The following C12orf42 variants were observed in gnomAD, a reference collection of about 807,000 sequenced individuals.
C12orf42 encodes the protein uncharacterized protein C12orf42.
Under a neutral mutation model 21.6 loss-of-function variants are expected in C12orf42, and 25 were observed. That is an observed-to-expected ratio of 1.16 (90% CI 0.84 to 1.62). The LOEUF is 1.62. Ranked by LOEUF, C12orf42 falls within the 40% of genes most tolerant of loss-of-function variation. The pLI, the probability that C12orf42 is intolerant of heterozygous loss-of-function variation, is 0.00. For synonymous variants in C12orf42, 174 were observed against 175.0 expected (o/e 0.99, Z 0.05); for missense variants, 483 against 459.3 (o/e 1.05, Z -0.47).
At chr12:103,104,662 A>G in the C12orf42 span, among the ~76,000 whole-genome samples, 1 of 152,268 alleles carries the variant, frequency 6.6e-6, no homozygotes, top group South Asian at 2.1e-4. Context: ...GATGGTCTCA[A>G]TCTCCTGACC....
intron 5 of C12orf42, 102 bp downstream of exon 5, chr12:103,305,872 G>T: frequency 7.4e-7 from 1 of 1,358,232 alleles, no homozygotes. Flanking sequence ...TCTAGAATAG[G>T]ACTGGCCATG....
chr12:103,130,532 G>A, the C12orf42 span, among the ~76,000 whole-genome samples: 2 of 152,096 alleles, frequency 1.3e-5, no homozygotes, highest in Non-Finnish European at 1.5e-5. Flanking sequence ...TCCCAGGTTG[G>A]TTCCTCCAGG....
chr12:103,055,476 C>CA, the C12orf42 span, among the ~76,000 whole-genome samples: 1 of 151,738 alleles, frequency 6.6e-6, no homozygotes, highest in Non-Finnish European at 1.5e-5. Flanking sequence ...TGAGGTTTGT[C>CA]AATTTTATTA....
chr12:103,236,287 G>C (rs867070257), downstream of C12orf42, among the ~76,000 whole-genome samples: 23 of 152,220 alleles, frequency 1.5e-4, no homozygotes, highest in African/African-American at 5.5e-4. Flanking sequence ...TACTGGGCCA[G>C]ATTTTGCCAG....
chr12:103,486,041 G>A (rs1211530231), intron 1 of C12orf42, among the ~76,000 whole-genome samples: 1 of 152,168 alleles, frequency 6.6e-6, no homozygotes. Flanking sequence ...GAACATCCTT[G>A]TCTTGTGCCA....
At chr12:103,407,287 A>G (rs2048494518) in intron 2 of C12orf42, among the ~76,000 whole-genome samples, 3 of 152,138 alleles carry the variant, frequency 2.0e-5, no homozygotes, top group African/African-American at 7.2e-5. Context: ...TTCTTCCCTC[A>G]ACTAGTATTC....
At chr12:103,435,254 T>A (rs1434346777) in intron 2 of C12orf42, among the ~76,000 whole-genome samples, 1 of 151,980 alleles carries the variant, frequency 6.6e-6, no homozygotes, top group African/African-American at 2.4e-5. Context: ...CATCTGTACA[T>A]CACCATCATC....
intron 3 of C12orf42, among the ~76,000 whole-genome samples, chr12:103,371,191 C>T (rs971225402): frequency 2.0e-5 from 3 of 152,182 alleles, no homozygotes; most frequent in East Asian, 1.9e-4. Flanking sequence ...TCACTTCATA[C>T]GGCCTATCAC....
chr12:103,089,114 A>AAAAAAAAAG, the C12orf42 span, among the ~76,000 whole-genome samples: 1 of 150,832 alleles, frequency 6.6e-6, no homozygotes, highest in African/African-American at 2.4e-5. Context: ...AAAAAAAAAA[A>AAAAAAAAAG]AAAAAAAAAA....
At chr12:103,294,615 AGAAAGAAAGAAAGAAAGAAAGAAG>A (rs2037110786) in intron 4 of C12orf42, among the ~76,000 whole-genome samples, 1 of 144,612 alleles carries the variant, frequency 6.9e-6, no homozygotes, top group African/African-American at 2.7e-5. Context: ...AAAGAAAGAA[AGAAAGAAAGAAAGAAAGAAAGAAG>A]GAAAAGAAAG....
intron 4 of C12orf42, among the ~76,000 whole-genome samples, chr12:103,359,562 T>G (rs2043901358): frequency 6.6e-6 from 1 of 152,108 alleles, no homozygotes; most frequent in Non-Finnish European, 1.5e-5. Context: ...ACATGTTGTA[T>G]AGTTTCATTT....
At chr12:103,282,669 G>T (rs1314457886) in intron 4 of C12orf42, among the ~76,000 whole-genome samples, 1 of 152,126 alleles carries the variant, frequency 6.6e-6, no homozygotes, top group Non-Finnish European at 1.5e-5. Flanking sequence ...GCTATATGCT[G>T]TTATTATGGT....
At chr12:103,554,591 G>A in the C12orf42 span, among the ~76,000 whole-genome samples, 1 of 151,864 alleles carries the variant, frequency 6.6e-6, no homozygotes, top group African/African-American at 2.4e-5. Context: ...AAAAAAAAGA[G>A]GTTTAATCAG....
At chr12:103,359,398 A>G (rs912369655) in intron 4 of C12orf42, among the ~76,000 whole-genome samples, 9 of 152,156 alleles carry the variant, frequency 5.9e-5, no homozygotes, top group African/African-American at 2.2e-4. Flanking sequence ...AAAGTTTTAC[A>G]AAAACTGAAA....
At chr12:103,233,031 C>T (rs771684575), downstream of C12orf42, among the ~76,000 whole-genome samples, 1 of 152,202 alleles carries the variant, frequency 6.6e-6, no homozygotes. Flanking sequence ...TCCAATCCTG[C>T]TCTTCTAGCA....
At chr12:103,402,124 T>C (rs1451117884) in intron 2 of C12orf42, among the ~76,000 whole-genome samples, 1 of 152,182 alleles carries the variant, frequency 6.6e-6, no homozygotes, top group Non-Finnish European at 1.5e-5. Flanking sequence ...CCCATGAACA[T>C]AAATAAGAAA....
At chr12:103,078,545 T>C in the C12orf42 span, among the ~76,000 whole-genome samples, 1 of 152,214 alleles carries the variant, frequency 6.6e-6, no homozygotes, top group East Asian at 1.9e-4. Context: ...GGATTCTGAT[T>C]TAATTGTCAA....
At chr12:103,060,019 T>A in the C12orf42 span, among the ~76,000 whole-genome samples, 3 of 152,134 alleles carry the variant, frequency 2.0e-5, no homozygotes, top group Non-Finnish European at 4.4e-5. Context: ...CATTTTCAAA[T>A]AGGAAGAGAG....
chr12:103,456,500 G>T (rs1185582699), intron 2 of C12orf42, among the ~76,000 whole-genome samples: 1 of 152,148 alleles, frequency 6.6e-6, no homozygotes, highest in African/African-American at 2.4e-5. Context: ...AACCTTCTGT[G>T]CCTGCTTTAG....
Sources: allele counts gnomAD v4.1 joint callset (sites outside exome capture counted in the v4.1 genomes callset), GRCh38; gene constraint gnomAD v4.1.1; transcripts MANE v1.5; gene names NCBI Gene and HGNC (gene_info 2026-07-23, HGNC 2026-07-21).